Variants in LRP1B observed in about 807,000 individuals in gnomAD.
LRP1B encodes the protein LDL receptor related protein 1B.
Under a neutral mutation model 556.6 loss-of-function variants are expected in LRP1B, and 217 were observed. The observed-to-expected ratio is 0.39, with a 90% CI of 0.35 to 0.44. The LOEUF (loss-of-function observed/expected upper bound fraction) is 0.44. LRP1B is among the 20% of genes least tolerant of loss of function. The pLI is 1.00. For synonymous variants in LRP1B, 2,047 were observed against 1,865.8 expected (o/e 1.10, Z -2.50); for missense variants, 5,053 against 5,620.8 (o/e 0.90, Z 3.23).
intron 41 of LRP1B, among the ~76,000 whole-genome samples, chr2:140,667,602 T>C: frequency 6.6e-6 from 1 of 152,240 alleles, no homozygotes; most frequent in East Asian, 1.9e-4. Context: ...GACCTTTGTT[T>C]GAATATCTTT....
chr2:141,286,927 G>C (rs759641575), intron 3 of LRP1B: 4 of 221,794 alleles, frequency 1.8e-5, no homozygotes, highest in Non-Finnish European at 2.9e-5. Flanking sequence ...CTGAGGACTT[G>C]AAATGAGACT....
chr2:140,461,341 T>C (rs963445568), intron 60 of LRP1B, among the ~76,000 whole-genome samples: 1 of 152,138 alleles, frequency 6.6e-6, no homozygotes, highest in Non-Finnish European at 1.5e-5. Flanking sequence ...AATCTCATAG[T>C]TAATGTTATG....
chr2:140,922,392 C>G (rs189504737), intron 21 of LRP1B, among the ~76,000 whole-genome samples: 9 of 151,868 alleles, frequency 5.9e-5, no homozygotes, highest in African/African-American at 2.2e-4. Flanking sequence ...CCCCAATGAC[C>G]CTCAAATCAA....
chr2:141,432,805 G>A (rs1680609697), intron 3 of LRP1B, among the ~76,000 whole-genome samples: 1 of 150,776 alleles, frequency 6.6e-6, no homozygotes, highest in Non-Finnish European at 1.5e-5. Context: ...TTTTTTTCTT[G>A]GTCAAGTTAA....
At chr2:141,035,933 T>A (rs541457396) in intron 11 of LRP1B, among the ~76,000 whole-genome samples, 1 of 152,188 alleles carries the variant, frequency 6.6e-6, no homozygotes, top group East Asian at 1.9e-4. Flanking sequence ...AAGAAAACAG[T>A]TTTAAAAACT....
At chr2:141,031,274 CACACACAT>C (rs779315566) in intron 11 of LRP1B, among the ~76,000 whole-genome samples, 6,712 of 102,944 alleles carry the variant, frequency 0.065, 205 homozygotes, top group South Asian at 0.11. Context: ...CACACACACA[CACACACAT>C]ACATACATAT....
chr2:140,874,943 C>T (rs574013035), intron 25 of LRP1B, among the ~76,000 whole-genome samples: 2 of 151,862 alleles, frequency 1.3e-5, no homozygotes, highest in African/African-American at 2.4e-5. Context: ...TGCTTGAACC[C>T]AGGAGCAGAG....
chr2:141,694,646 C>CA lies in LRP1B; in HGVS notation c.205+115632dup, dbSNP rs202244154. On this transcript the variant is annotated intron_variant, in intron 2 of 90. Coordinates refer to ENST00000389484, the MANE Select transcript of LRP1B (RefSeq NM_018557.3). ...TGGGCTCATGATCATTCGATTGTTT[C>CA]AAAAAAAAAAAAAGCACAATTTTCT... is the stretch of plus-strand genomic sequence containing the variant. Among the ~76,000 whole-genome samples the CA allele has an allele frequency of 2.3e-3, 297 of 129,634 alleles. 1 individual carries two copies. Among genetic ancestry groups the CA allele is most frequent in the African/African-American group, 4.2e-3 (149 of 35,468 alleles). 85.0% of individuals were successfully genotyped at this position (129,634 alleles called of 152,430 possible).
intron 66 of LRP1B, among the ~76,000 whole-genome samples, chr2:140,416,281 T>C (rs557056693): frequency 6.6e-6 from 1 of 152,286 alleles, no homozygotes; most frequent in Non-Finnish European, 1.5e-5. Context: ...GAGATGAGGA[T>C]GATACTAGAG....
At chr2:141,649,836 T>C (rs746646595) in intron 2 of LRP1B, among the ~76,000 whole-genome samples, 12 of 152,174 alleles carry the variant, frequency 7.9e-5, no homozygotes, top group Non-Finnish European at 1.5e-4. Flanking sequence ...AGAAAATGAA[T>C]ATTAAAGTAA....
chr2:141,905,763 A>ACGTGTGTGTGTGTGTGTGT (rs71338143), intron 1 of LRP1B, among the ~76,000 whole-genome samples: 16 of 115,156 alleles, frequency 1.4e-4, no homozygotes, highest in East Asian at 8.5e-4. Flanking sequence ...TGGTTTGAAT[A>ACGTGTGTGTGTGTGTGTGT]GATGTGTGTG....
chr2:141,108,610 A>C (rs911682549), intron 7 of LRP1B, among the ~76,000 whole-genome samples: 1 of 152,058 alleles, frequency 6.6e-6, no homozygotes, highest in Non-Finnish European at 1.5e-5. Context: ...TCAGCCTCCC[A>C]AAGTGCTGGG....
At chr2:140,412,664 CTA>C (rs1274632113) in intron 66 of LRP1B, among the ~76,000 whole-genome samples, 1 of 151,978 alleles carries the variant, frequency 6.6e-6, no homozygotes, top group African/African-American at 2.4e-5. Flanking sequence ...CTCAACAACT[CTA>C]TGATAAATAT....
chr2:141,118,362 A>T (rs1402069394), intron 7 of LRP1B, among the ~76,000 whole-genome samples: 1 of 152,006 alleles, frequency 6.6e-6, no homozygotes, highest in African/African-American at 2.4e-5. Flanking sequence ...ATTATAGTTT[A>T]TTTCCTACCA....
chr2:140,699,496 A>G (rs1392290951), intron 41 of LRP1B, among the ~76,000 whole-genome samples: 1 of 151,868 alleles, frequency 6.6e-6, no homozygotes, highest in Non-Finnish European at 1.5e-5. Context: ...AAATTTATAT[A>G]TTATTTTGCA....
intron 1 of LRP1B, among the ~76,000 whole-genome samples, chr2:141,915,490 A>G (rs1056244091): frequency 1.3e-5 from 2 of 152,170 alleles, no homozygotes; most frequent in African/African-American, 4.8e-5. Context: ...AGTAGAAGAA[A>G]ACCTGGGAAA....
intron 49 of LRP1B, among the ~76,000 whole-genome samples, chr2:140,520,940 A>C (rs2104952595): frequency 6.6e-6 from 1 of 151,800 alleles, no homozygotes; most frequent in African/African-American, 2.4e-5. Context: ...AGATTAGACC[A>C]AGCAGAAGAA....
At chr2:140,996,756 G>T (rs1697258289) in intron 15 of LRP1B, among the ~76,000 whole-genome samples, 1 of 151,884 alleles carries the variant, frequency 6.6e-6, no homozygotes, top group Admixed American at 6.6e-5. Context: ...GGATAAAGTT[G>T]CAAAAGACAA....
At chr2:140,897,242 A>C (rs998427581) in intron 23 of LRP1B, among the ~76,000 whole-genome samples, 16 of 152,146 alleles carry the variant, frequency 1.1e-4, no homozygotes, top group Admixed American at 1.0e-3. Context: ...GGGCTCAGAA[A>C]ACAGCACCAC....
Sources: allele counts gnomAD v4.1 joint callset (sites outside exome capture counted in the v4.1 genomes callset), GRCh38; gene constraint gnomAD v4.1.1; transcripts MANE v1.5; gene names NCBI Gene and HGNC (gene_info 2026-07-23, HGNC 2026-07-21).